WARS2: variants seen among roughly 807,000 people sequenced by gnomAD.
WARS2 encodes the protein tryptophanyl tRNA synthetase 2, mitochondrial, also known as tryptophan--tRNA ligase, mitochondrial.
WARS2 carries 28 observed loss-of-function variants against 36.5 expected under a neutral mutation model. The ratio of observed to expected loss-of-function variants is 0.77; its 90% CI spans 0.57 to 1.05. The LOEUF (loss-of-function observed/expected upper bound fraction) is 1.05, where lower values mean the gene tolerates loss of function less well. Ranked by LOEUF, WARS2 falls within the 50% of genes least tolerant of loss-of-function variation. WARS2 has a pLI of 0.00. For synonymous variants in WARS2, 174 were observed against 178.4 expected (o/e 0.98, Z 0.20); for missense variants, 435 against 456.8 (o/e 0.95, Z 0.44).
intron 1 of WARS2, among the ~76,000 whole-genome samples, chr1:119,104,108 T>C (rs1405480916): frequency 6.6e-6 from 1 of 151,426 alleles, no homozygotes; most frequent in African/African-American, 2.4e-5. Context: ...CATGAGCCAC[T>C]GAGCCAGGCC....
intron 2 of WARS2, among the ~76,000 whole-genome samples, chr1:119,054,892 A>T (rs1649645642): frequency 6.6e-6 from 1 of 152,168 alleles, no homozygotes; most frequent in African/African-American, 2.4e-5. Flanking sequence ...GTTGCCAGGA[A>T]CTGTGGGGGA....
intron 4 of WARS2, among the ~76,000 whole-genome samples, chr1:119,034,536 C>T (rs146497864): frequency 6.6e-5 from 10 of 152,240 alleles, no homozygotes; most frequent in African/African-American, 2.4e-4. Flanking sequence ...AAAACTACTC[C>T]TCATTCCCTC....
intron 4 of WARS2, among the ~76,000 whole-genome samples, chr1:119,037,322 AC>A (rs11285792): frequency 0.29 from 43,895 of 151,976 alleles, 6,849 homozygotes; most frequent in African/African-American, 0.4. Flanking sequence ...ACTTGAGATC[AC>A]CCCACCCTTC....
chr1:119,115,502 T>C (rs1654904804), intron 1 of WARS2, among the ~76,000 whole-genome samples: 1 of 152,168 alleles, frequency 6.6e-6, no homozygotes, highest in Admixed American at 6.6e-5. Flanking sequence ...CTGGATAGTG[T>C]CCAGCAACCC....
intron 2 of WARS2, among the ~76,000 whole-genome samples, chr1:119,054,299 C>G (rs1649600086): frequency 6.6e-6 from 1 of 151,738 alleles, no homozygotes; most frequent in South Asian, 2.1e-4. Flanking sequence ...AAGAGATGCC[C>G]AATCTTACTA....
intron 2 of WARS2, among the ~76,000 whole-genome samples, chr1:119,051,420 T>C (rs1300815491): frequency 6.6e-6 from 1 of 152,214 alleles, no homozygotes; most frequent in Non-Finnish European, 1.5e-5. Context: ...TATATGTACA[T>C]TTTCTTTATT....
rs780674665 is a variant in WARS2 at position 119,033,024 on chromosome 1, G to C, written c.970C>G (p.Leu324Val). The C allele has an allele frequency of 6.2e-7, 1 of 1,614,232 alleles. No homozygotes were observed. Among genetic ancestry groups the C allele is most frequent in the South Asian group, 1.1e-5 (1 of 91,084 alleles). Residue 324 changes from leucine to valine, a missense_variant, in exon 6 of 6, where the codon CTG becomes GTG. Leu to Val is a conservative substitution (Grantham distance 32, BLOSUM62 1). Coordinates refer to ENST00000235521, the MANE Select transcript of WARS2 (RefSeq NM_015836.4). ...FAPIKREIEK[L>V]KLDKDHLEKV... is the part of the protein sequence containing the mutation. ...TCTAAATGGTCCTTGTCCAGCTTCA[G>C]TTTTTCAATTTCACGCTTAATTGGG...
chr1:119,047,144 T>C (rs1181485019), intron 2 of WARS2, among the ~76,000 whole-genome samples: 1 of 152,160 alleles, frequency 6.6e-6, no homozygotes, highest in Non-Finnish European at 1.5e-5. Flanking sequence ...TGTAAACAAA[T>C]AGCTATCAGA....
At chr1:119,069,108 C>G (rs1651104833) in intron 2 of WARS2, among the ~76,000 whole-genome samples, 1 of 152,118 alleles carries the variant, frequency 6.6e-6, no homozygotes, top group African/African-American at 2.4e-5. Context: ...CTATTTCAAG[C>G]CATCATTAGA....
intron 1 of WARS2, among the ~76,000 whole-genome samples, chr1:119,131,461 T>TG (rs1192647408): frequency 6.9e-6 from 1 of 145,918 alleles, no homozygotes; most frequent in Non-Finnish European, 1.5e-5. Flanking sequence ...GTTTTTTGTT[T>TG]TTTGTTTTTT....
intron 1 of WARS2, among the ~76,000 whole-genome samples, chr1:119,132,570 G>C (rs1311442949): frequency 6.6e-6 from 1 of 152,158 alleles, no homozygotes; most frequent in Non-Finnish European, 1.5e-5. Context: ...TCTGCGATTT[G>C]AGTAAACAGC....
chr1:119,089,624 C>T (rs2101398742), intron 1 of WARS2, among the ~76,000 whole-genome samples: 1 of 152,238 alleles, frequency 6.6e-6, no homozygotes, highest in South Asian at 2.1e-4. Context: ...GTAATCTAAC[C>T]ATATCTGGAG....
chr1:119,107,874 G>T (rs1205722681), intron 1 of WARS2, among the ~76,000 whole-genome samples: 1 of 152,006 alleles, frequency 6.6e-6, no homozygotes, highest in Non-Finnish European at 1.5e-5. Context: ...TTTACTGAGA[G>T]TTTTTATCAT....
chr1:119,140,429 A>C lies in WARS2; in HGVS notation c.90+126T>G. 3 of 782,872 alleles carry C rather than the reference A, an allele frequency of 3.8e-6. No individual in the cohort carries two copies. In the South Asian group the frequency reaches 5.5e-5, roughly 14 times the overall value. The allele number at this position is 782,872 out of a possible 1,614,324, so 48.5% of individuals were successfully genotyped here. ...CAGGCCGACAGTCATAGACGAGTAGACCTTAGGCGAGGGAAGGCATGTACT... is the reference window on the plus strand; with the variant it reads ...CAGGCCGACAGTCATAGACGAGTAGCCCTTAGGCGAGGGAAGGCATGTACT... On this transcript the variant is annotated intron_variant, in intron 1 of 5. Transcript: ENST00000235521.
At chr1:119,061,475 A>T (rs865963882) in intron 2 of WARS2, among the ~76,000 whole-genome samples, 1 of 152,202 alleles carries the variant, frequency 6.6e-6, no homozygotes, top group Non-Finnish European at 1.5e-5. Flanking sequence ...AGAGTCACTG[A>T]ATGAAAAGAT....
intron 1 of WARS2, among the ~76,000 whole-genome samples, chr1:119,119,287 C>T (rs1049869916): frequency 3.3e-5 from 5 of 152,000 alleles, no homozygotes; most frequent in Admixed American, 6.5e-5. Context: ...TCAGACAAAA[C>T]ATACCTTAAA....
intron 1 of WARS2, chr1:119,082,463 T>A: frequency 2.0e-6 from 2 of 985,260 alleles, no homozygotes; most frequent in Non-Finnish European, 2.4e-6. Flanking sequence ...AAGGTAGGAA[T>A]CATAGGCATC....
chr1:119,115,528 T>C (rs1309932471), intron 1 of WARS2, among the ~76,000 whole-genome samples: 1 of 152,218 alleles, frequency 6.6e-6, no homozygotes, highest in Non-Finnish European at 1.5e-5. Context: ...AGCATAGCTT[T>C]TTCTCTACTG....
chr1:119,034,131 A>G lies in WARS2; in HGVS notation c.598T>C (p.Tyr200His). The change falls in exon 5 of 6, where the codon TAT (tyrosine) becomes CAT (histidine). Residue 200 changes from tyrosine to histidine, a missense_variant. Physicochemically the swap from Tyr to His is moderately conservative, Grantham distance 83. Transcript: ENST00000235521. The part of the protein sequence containing the change: ...QDLAQGFNKK[Y>H]GEFFPVPESI... The stretch of plus-strand genomic sequence containing the variant: ...TCGGGCACTGGAAAGAACTCCCCAT[A>G]CTTCTTGTTGAAACCTTGTGCTAGA... 1 of 1,613,992 alleles carries G rather than the reference A, an allele frequency of 6.2e-7. No individual in the cohort carries two copies. Among genetic ancestry groups the G allele is most frequent in the Non-Finnish European group, 8.5e-7 (1 of 1,179,908 alleles).
Sources: gnomAD v4.1 joint callset for allele counts (sites outside exome capture counted in the v4.1 genomes callset) on GRCh38, gnomAD v4.1.1 for gene constraint, MANE v1.5 for transcripts, NCBI Gene and HGNC (gene_info 2026-07-23, HGNC 2026-07-21) for gene names.